SLC24A2: variants seen among roughly 807,000 people sequenced by gnomAD.
SLC24A2 encodes solute carrier family 24 member 2, also known as sodium/potassium/calcium exchanger 2.
In SLC24A2, 36 loss-of-function variants were observed where a neutral mutation model predicts 62.0. The ratio of observed to expected loss-of-function variants is 0.58; its 90% confidence interval spans 0.44 to 0.77. SLC24A2 has a LOEUF of 0.77. Ranked by LOEUF, SLC24A2 falls within the 30% of genes least tolerant of loss-of-function variation. The pLI, the probability that SLC24A2 is intolerant of heterozygous loss-of-function variation, is 0.00. For missense variants in SLC24A2, 846 were observed against 817.9 expected, an observed-to-expected ratio of 1.03 and a Z score of -0.42; for synonymous variants, 358 against 294.0, an observed-to-expected ratio of 1.22 and a Z score of -2.23.
chr9:20,302,246 G>A, the SLC24A2 span, among the ~76,000 whole-genome samples: 4 of 152,132 alleles, frequency 2.6e-5, no homozygotes, highest in African/African-American at 9.7e-5. Context: ...AGCTACCAAG[G>A]AGCTCAGTTG....
the SLC24A2 span, among the ~76,000 whole-genome samples, chr9:19,846,780 A>ACTT: frequency 1.3e-5 from 2 of 152,100 alleles, no homozygotes; most frequent in Non-Finnish European, 2.9e-5. Context: ...TAATCCCAGC[A>ACTT]CTTTGGGAGG....
At chr9:20,105,869 G>C in the SLC24A2 span, among the ~76,000 whole-genome samples, 1 of 152,068 alleles carries the variant, frequency 6.6e-6, no homozygotes, top group Non-Finnish European at 1.5e-5. Flanking sequence ...GAAGGAAATA[G>C]AGACACAAAA....
chr9:20,075,604 T>C, the SLC24A2 span, among the ~76,000 whole-genome samples: 1 of 152,148 alleles, frequency 6.6e-6, no homozygotes, highest in Non-Finnish European at 1.5e-5. Flanking sequence ...ATCAGATGGC[T>C]TGTAGGTGTG....
chr9:19,947,528 C>T, the SLC24A2 span, among the ~76,000 whole-genome samples: 4 of 152,008 alleles, frequency 2.6e-5, no homozygotes, highest in South Asian at 8.3e-4. Flanking sequence ...TGGTGGCTCA[C>T]ACCTGTAACC....
the SLC24A2 span, among the ~76,000 whole-genome samples, chr9:20,237,286 C>T: frequency 6.6e-6 from 1 of 152,116 alleles, no homozygotes; most frequent in Non-Finnish European, 1.5e-5. Context: ...TAGTGAGCAC[C>T]TTCTAGGGGC....
the SLC24A2 span, among the ~76,000 whole-genome samples, chr9:20,138,416 T>C: frequency 6.6e-6 from 1 of 152,210 alleles, no homozygotes; most frequent in African/African-American, 2.4e-5. Context: ...CTTATTACTT[T>C]TCTAGAAACT....
At chr9:19,834,173 C>G in the SLC24A2 span, among the ~76,000 whole-genome samples, 1 of 152,154 alleles carries the variant, frequency 6.6e-6, no homozygotes, top group Non-Finnish European at 1.5e-5. Context: ...GAGCGCCTCT[C>G]CTCCTCCAAA....
chr9:20,034,458 T>G, the SLC24A2 span, among the ~76,000 whole-genome samples: 29 of 136,332 alleles, frequency 2.1e-4, no homozygotes, highest in South Asian at 1.1e-3. Context: ...TAAGTTTTTT[T>G]TTTTTTTTTT....
the SLC24A2 span, among the ~76,000 whole-genome samples, chr9:20,259,233 AT>A: frequency 1.3e-5 from 2 of 152,192 alleles, no homozygotes. Context: ...AGTGAGACCC[AT>A]TTTAGATTTC....
chr9:19,713,780 T>C (rs903199321), intron 2 of SLC24A2, among the ~76,000 whole-genome samples: 2 of 151,462 alleles, frequency 1.3e-5, no homozygotes, highest in African/African-American at 4.9e-5. Context: ...AAGATTGAGA[T>C]TTTTTTTTCC....
At chr9:19,704,469 T>A (rs1220465967) in intron 2 of SLC24A2, among the ~76,000 whole-genome samples, 1 of 152,172 alleles carries the variant, frequency 6.6e-6, no homozygotes, top group Non-Finnish European at 1.5e-5. Flanking sequence ...AGTGGTGGAA[T>A]TACTGGAAAT....
chr9:19,885,999 T>C, the SLC24A2 span, among the ~76,000 whole-genome samples: 3 of 152,232 alleles, frequency 2.0e-5, no homozygotes, highest in East Asian at 5.8e-4. Flanking sequence ...AGTCTACCAT[T>C]GATGGGCATT....
At chr9:19,718,531 G>A (rs1445320039) in intron 2 of SLC24A2, among the ~76,000 whole-genome samples, 2 of 141,658 alleles carry the variant, frequency 1.4e-5, no homozygotes, top group Admixed American at 7.4e-5. Context: ...GGCTGGTCTC[G>A]AAATCCTGAG....
In SLC24A2 at chr9:19,512,377, T is replaced by G. The variant is rs929646828; in HGVS notation, c.*3776A>C. 6 of 152,264 alleles carry G rather than the reference T, an allele frequency of 3.9e-5. No individual in the cohort carries two copies. Among genetic ancestry groups the G allele is most frequent in the African/African-American group, 1.4e-4 (6 of 41,466 alleles). 9.4% of individuals were successfully genotyped at this position (152,264 alleles called of 1,614,324 possible). ...CAGTCTCCGCCTCTTTTTATAATCT[T>G]CTGGGCAAGGCTTTAGGACATTCTG... On this transcript the variant is annotated 3_prime_UTR_variant, in exon 11 of 11. Transcript: ENST00000341998.
rs1266304176 is a variant in SLC24A2, at chr9:19,509,300, A to AT, written c.*6852dup. On this transcript the variant is annotated 3_prime_UTR_variant, in exon 11 of 11. Transcript: ENST00000341998. ...TTTTGTGAAATGAATAATTTCTTTGATTTTCAAACAGTTTTATTAAAGCAC... is the reference window on the plus strand; with the variant it reads ...TTTTGTGAAATGAATAATTTCTTTGATTTTTCAAACAGTTTTATTAAAGCAC... The AT allele has an allele frequency of 6.6e-6, 1 of 152,138 alleles. No homozygotes were observed. The highest frequency in any genetic ancestry group is 1.9e-4 in the East Asian group (1 of 5,200). The allele number at this position is 152,138 out of a possible 1,614,324, so 9.4% of individuals were successfully genotyped here.
the SLC24A2 span, among the ~76,000 whole-genome samples, chr9:20,224,454 TGACATG>T: frequency 6.6e-6 from 1 of 152,088 alleles, no homozygotes; most frequent in African/African-American, 2.4e-5. Context: ...TGACAAGTAT[TGACATG>T]GAAGTCATAA....
the SLC24A2 span, among the ~76,000 whole-genome samples, chr9:19,977,113 TTG>T: frequency 0.015 from 2,193 of 145,238 alleles, 28 homozygotes; most frequent in African/African-American, 0.029. Flanking sequence ...ATTTCTATAT[TTG>T]TGTGTGTGTG....
At chr9:19,560,353 A>T (rs1228344714) in intron 7 of SLC24A2, among the ~76,000 whole-genome samples, 1 of 135,758 alleles carries the variant, frequency 7.4e-6, no homozygotes, top group Non-Finnish European at 1.5e-5. Context: ...ACTCCTCTGT[A>T]TTCAGAGATG....
At chr9:19,521,146 T>G (rs1190621222) in intron 9 of SLC24A2, 86 bp from the exon 10 acceptor site, 1 of 1,203,194 alleles carries the variant, frequency 8.3e-7, no homozygotes, top group Non-Finnish European at 1.2e-6. Flanking sequence ...GACCTCCTTT[T>G]AATGCATTTC....
Sources: allele counts gnomAD v4.1 joint callset (sites outside exome capture counted in the v4.1 genomes callset), GRCh38; gene constraint gnomAD v4.1.1; transcripts MANE v1.5; gene names NCBI Gene and HGNC (gene_info 2026-07-23, HGNC 2026-07-21).